Variants in RYR2 observed in about 807,000 individuals in gnomAD.
The protein encoded by RYR2 is ryanodine receptor 2.
RYR2 carries 227 observed loss-of-function variants against 601.1 expected under a neutral mutation model. That is an observed-to-expected ratio of 0.38 (90% CI 0.34 to 0.42). The LOEUF (loss-of-function observed/expected upper bound fraction) is 0.42. RYR2 is among the 10% of genes least tolerant of loss of function. RYR2 has a pLI of 1.00. For synonymous variants in RYR2, 2,223 were observed against 2,175.1 expected, an observed-to-expected ratio of 1.02 and a Z score of -0.61; for missense variants, 4,646 against 6,156.5, an observed-to-expected ratio of 0.75 and a Z score of 8.21.
chr1:237,191,037 T>C (rs1012081572), intron 1 of RYR2, among the ~76,000 whole-genome samples: 1 of 152,232 alleles, frequency 6.6e-6, no homozygotes, highest in Admixed American at 6.5e-5. Flanking sequence ...AGGAGTTTTA[T>C]AGTTTCATGT....
intron 8 of RYR2, among the ~76,000 whole-genome samples, chr1:237,385,610 A>G (rs1207825265): frequency 6.6e-6 from 1 of 152,242 alleles, no homozygotes; most frequent in Non-Finnish European, 1.5e-5. Context: ...CACAGATATG[A>G]GCACGGGTAT....
chr1:237,366,681 C>T (rs1219075191), intron 5 of RYR2, among the ~76,000 whole-genome samples: 1 of 133,238 alleles, frequency 7.5e-6, no homozygotes, highest in Admixed American at 7.6e-5. Context: ...TAGTCACACA[C>T]ACACACACAC....
At position 237,701,571 on chromosome 1, in the gene RYR2, T is replaced by C. The variant is rs191474960; in HGVS notation, c.9368-407T>C. The stretch of plus-strand genomic sequence containing the variant: ...GTGCCTTTTGTTTAGTTATTTTTAT[T>C]TGTATAAATTTACGGGTTTCAAGTA... On this transcript the variant is annotated intron_variant, in intron 65 of 104. Transcript: ENST00000366574. Among the ~76,000 whole-genome samples, 140 of 152,258 alleles carry C rather than the reference T, an allele frequency of 9.2e-4. 1 individual carries two copies. Among genetic ancestry groups the C allele is most frequent in the Middle Eastern group, 3.4e-3 (1 of 294 alleles).
At chr1:237,211,911 TA>T (rs1219362527) in intron 1 of RYR2, among the ~76,000 whole-genome samples, 1 of 152,152 alleles carries the variant, frequency 6.6e-6, no homozygotes, top group Non-Finnish European at 1.5e-5. Context: ...GGACATACAA[TA>T]AAAATAATTA....
intron 82 of RYR2, among the ~76,000 whole-genome samples, chr1:237,758,641 A>G (rs1693157146): frequency 6.6e-6 from 1 of 152,224 alleles, no homozygotes; most frequent in Admixed American, 6.5e-5. Flanking sequence ...GCTATCTGAA[A>G]AAGATTACTA....
intron 24 of RYR2, among the ~76,000 whole-genome samples, chr1:237,523,160 G>A (rs2779356): frequency 0.47 from 71,523 of 151,560 alleles, 17,138 homozygotes; most frequent in East Asian, 0.58. Context: ...TCCTAGGATT[G>A]GGCAAAGAGT....
chr1:237,808,826 C>T (rs571864633), intron 99 of RYR2, 75 bp from the exon 100 acceptor site: 156 of 1,444,768 alleles, frequency 1.1e-4, no homozygotes, highest in Middle Eastern at 1.8e-4. Context: ...GAGCACTCGC[C>T]GCCCATGTAG....
At chr1:237,825,396 C>T (rs891316384) in intron 101 of RYR2, among the ~76,000 whole-genome samples, 2 of 152,032 alleles carry the variant, frequency 1.3e-5, no homozygotes, top group African/African-American at 4.8e-5. Flanking sequence ...ACAAACCTGA[C>T]AAAAAGAAGC....
chr1:237,117,623 T>C (rs893376342), intron 1 of RYR2, among the ~76,000 whole-genome samples: 2 of 151,636 alleles, frequency 1.3e-5, no homozygotes, highest in African/African-American at 2.4e-5. Flanking sequence ...CTCTTCTCTT[T>C]TCTCTCTTCT....
At chr1:237,223,561 TA>T (rs1200524597) in intron 1 of RYR2, among the ~76,000 whole-genome samples, 1 of 152,242 alleles carries the variant, frequency 6.6e-6, no homozygotes, top group African/African-American at 2.4e-5. Flanking sequence ...TTTGGTCAAT[TA>T]AAATGTAATC....
rs1337497332 is a variant in RYR2 at position 237,761,045 on chromosome 1, T to A, written c.11476+17T>A. 3.4e-6 allele frequency: 5 copies of A among 1,468,660 alleles called. No homozygotes were observed. Among genetic ancestry groups the A allele is most frequent in the Non-Finnish European group, 4.7e-6 (5 of 1,067,112 alleles). 91.0% of individuals were successfully genotyped at this position (1,468,660 alleles called of 1,614,324 possible). ...AAGGATCAGGTATTAATGACTTACATTAAAAGGATCACCTGTCTCCCTTCC... is the reference window on the plus strand; with the variant it reads ...AAGGATCAGGTATTAATGACTTACAATAAAAGGATCACCTGTCTCCCTTCC... On this transcript the variant is annotated intron_variant, in intron 84 of 104. Coordinates refer to ENST00000366574, the MANE Select transcript of RYR2 (RefSeq NM_001035.3).
intron 8 of RYR2, 47 bp from the exon 9 acceptor site, chr1:237,387,234 A>G (rs1433058138): frequency 1.3e-6 from 2 of 1,547,668 alleles, no homozygotes; most frequent in Non-Finnish European, 1.8e-6. Context: ...TACATGTTAC[A>G]GCTTACCAGA....
intron 7 of RYR2, 47 bp downstream of exon 7, chr1:237,374,842 A>C: frequency 6.8e-7 from 1 of 1,471,638 alleles, no homozygotes; most frequent in Non-Finnish European, 9.4e-7. Context: ...AGAACCCTGC[A>C]GGGGTTGGAT....
intron 33 of RYR2, among the ~76,000 whole-genome samples, chr1:237,594,573 A>T (rs1675592196): frequency 6.6e-6 from 1 of 152,152 alleles, no homozygotes; most frequent in Non-Finnish European, 1.5e-5. Flanking sequence ...CAATATAGGG[A>T]TGGGATAACT....
chr1:237,533,544 A>G (rs990810482), intron 25 of RYR2, among the ~76,000 whole-genome samples: 6 of 152,160 alleles, frequency 3.9e-5, no homozygotes, highest in Non-Finnish European at 8.8e-5. Context: ...AAATGAATCA[A>G]GTTGGCTATA....
intron 1 of RYR2, among the ~76,000 whole-genome samples, chr1:237,200,786 A>T (rs1019578183): frequency 6.6e-6 from 1 of 152,246 alleles, no homozygotes; most frequent in African/African-American, 2.4e-5. Context: ...CTGTAGTATA[A>T]TTTTGAGTGC....
At chr1:237,724,837 A>T (rs1690068114) in intron 74 of RYR2, among the ~76,000 whole-genome samples, 1 of 152,258 alleles carries the variant, frequency 6.6e-6, no homozygotes, top group East Asian at 1.9e-4. Flanking sequence ...ATTTGCTTGA[A>T]TAAATTCTAG....
chr1:237,753,423 T>G (rs140828441), intron 80 of RYR2, among the ~76,000 whole-genome samples: 469 of 152,328 alleles, frequency 3.1e-3, no homozygotes, highest in African/African-American at 0.01. Flanking sequence ...ATATTAGCAA[T>G]GTTATTACAA....
At chr1:237,122,944 T>C (rs1424437914) in intron 1 of RYR2, among the ~76,000 whole-genome samples, 2 of 152,206 alleles carry the variant, frequency 1.3e-5, no homozygotes, top group Admixed American at 1.3e-4. Context: ...AAAATTTTCA[T>C]GGACTCTGAG....
Sources: allele counts gnomAD v4.1 joint callset (sites outside exome capture counted in the v4.1 genomes callset), GRCh38; gene constraint gnomAD v4.1.1; transcripts MANE v1.5; gene names NCBI Gene and HGNC (gene_info 2026-07-23, HGNC 2026-07-21).